PDE1A: variants seen among roughly 807,000 people sequenced by gnomAD.
PDE1A encodes the protein phosphodiesterase 1A.
A neutral mutation model predicts 61.7 loss-of-function variants in PDE1A; 35 were observed. The observed-to-expected ratio is 0.57, with a 90% CI of 0.43 to 0.75. The LOEUF is 0.75. Ranked by LOEUF, PDE1A falls within the 30% of genes least tolerant of loss-of-function variation. The pLI is 0.00. For synonymous variants in PDE1A, 232 were observed against 213.2 expected (o/e 1.09, Z -0.77); for missense variants, 597 against 630.6 (o/e 0.95, Z 0.57).
At chr2:182,277,143 GC>G (rs1438844654) in intron 1 of PDE1A, among the ~76,000 whole-genome samples, 1 of 151,588 alleles carries the variant, frequency 6.6e-6, no homozygotes, top group Non-Finnish European at 1.5e-5. Flanking sequence ...CTCCTTTTTT[GC>G]CCTTTGAAGC....
At chr2:182,163,607 C>T (rs944389689), downstream of PDE1A, among the ~76,000 whole-genome samples, 4 of 152,166 alleles carry the variant, frequency 2.6e-5, no homozygotes, top group African/African-American at 7.2e-5. Flanking sequence ...GGTGCAGGGC[C>T]TGTGGAGATA....
intron 1 of PDE1A, among the ~76,000 whole-genome samples, chr2:182,312,355 T>C (rs1696037656): frequency 6.6e-6 from 1 of 152,156 alleles, no homozygotes; most frequent in Non-Finnish European, 1.5e-5. Context: ...TTTTGTGTTA[T>C]ATCTAAACAA....
chr2:182,310,439 G>T (rs943093472), intron 1 of PDE1A, among the ~76,000 whole-genome samples: 1 of 152,122 alleles, frequency 6.6e-6, no homozygotes, highest in Non-Finnish European at 1.5e-5. Flanking sequence ...GAAATGCTTT[G>T]CAATTGTAGC....
At chr2:182,253,838 C>A (rs901832385) in intron 2 of PDE1A, among the ~76,000 whole-genome samples, 2 of 152,104 alleles carry the variant, frequency 1.3e-5, no homozygotes, top group African/African-American at 4.8e-5. Flanking sequence ...TAATCCTAAG[C>A]AAGTCAATTA....
chr2:182,685,728 G>C, the PDE1A span, among the ~76,000 whole-genome samples: 1 of 152,124 alleles, frequency 6.6e-6, no homozygotes, highest in Non-Finnish European at 1.5e-5. Flanking sequence ...GACATTCAAG[G>C]CTCACCCTAA....
chr2:182,632,468 TTCTTTGTAAGTATG>T, the PDE1A span, among the ~76,000 whole-genome samples: 15 of 152,142 alleles, frequency 9.9e-5, no homozygotes, highest in African/African-American at 3.6e-4. Context: ...CATTTTTTTT[TTCTTTGTAAGTATG>T]TCTCCTACTC....
intron 6 of PDE1A, among the ~76,000 whole-genome samples, chr2:182,228,475 C>A (rs1314953800): frequency 6.6e-6 from 1 of 152,020 alleles, no homozygotes; most frequent in Admixed American, 6.6e-5. Context: ...TTCTTTATAT[C>A]AAATCTGAGG....
intron 2 of PDE1A, among the ~76,000 whole-genome samples, chr2:182,486,268 C>T (rs1318608705): frequency 4.6e-5 from 7 of 151,816 alleles, no homozygotes; most frequent in Non-Finnish European, 1.0e-4. Flanking sequence ...AATTTGTACA[C>T]TGACAATAAT....
chr2:182,238,266 C>CAGAAAAAAAAAA (rs1690209483), intron 3 of PDE1A, among the ~76,000 whole-genome samples: 1 of 98,104 alleles, frequency 1.0e-5, no homozygotes, highest in Non-Finnish European at 1.9e-5. Flanking sequence ...CAGACTACGT[C>CAGAAAAAAAAAA]AAAAAAAAAA....
intron 1 of PDE1A, among the ~76,000 whole-genome samples, chr2:182,316,240 G>A (rs949807750): frequency 1.3e-5 from 2 of 152,136 alleles, no homozygotes; most frequent in Non-Finnish European, 2.9e-5. Context: ...AATTTATGTG[G>A]TCAAACTTTG....
intron 2 of PDE1A, among the ~76,000 whole-genome samples, chr2:182,254,812 C>A (rs963626531): frequency 6.6e-6 from 1 of 152,144 alleles, no homozygotes; most frequent in Non-Finnish European, 1.5e-5. Flanking sequence ...ACTGCAGAGA[C>A]AACACAGTTG....
intron 2 of PDE1A, among the ~76,000 whole-genome samples, chr2:182,521,553 TA>T (rs763332930): frequency 8.6e-5 from 13 of 151,694 alleles, no homozygotes; most frequent in Non-Finnish European, 1.9e-4. Context: ...CACACACAGC[TA>T]AAAAAAATGT....
intron 1 of PDE1A, among the ~76,000 whole-genome samples, chr2:182,346,462 T>G (rs1019506332): frequency 1.3e-5 from 2 of 152,164 alleles, no homozygotes; most frequent in African/African-American, 4.8e-5. Context: ...AAGACAATAT[T>G]TACTGAGTAC....
chr2:182,475,951 T>C (rs1687331993), intron 2 of PDE1A, among the ~76,000 whole-genome samples: 3 of 152,002 alleles, frequency 2.0e-5, no homozygotes, highest in South Asian at 4.1e-4. Flanking sequence ...AGGATGTTGA[T>C]AAAAAATTAA....
chr2:182,436,736 G>A (rs1464037015), intron 2 of PDE1A, among the ~76,000 whole-genome samples: 1 of 151,784 alleles, frequency 6.6e-6, no homozygotes, highest in East Asian at 1.9e-4. Flanking sequence ...AGGTAGAATC[G>A]CATATCTTCA....
chr2:182,420,745 T>TA (rs1380647064), intron 1 of PDE1A, among the ~76,000 whole-genome samples: 13 of 152,182 alleles, frequency 8.5e-5, no homozygotes, highest in Admixed American at 3.3e-4. Flanking sequence ...TAACAAAACG[T>TA]AAGACTTCAG....
intron 2 of PDE1A, among the ~76,000 whole-genome samples, chr2:182,459,577 A>G (rs1686142133): frequency 6.6e-6 from 1 of 152,134 alleles, no homozygotes; most frequent in Non-Finnish European, 1.5e-5. Flanking sequence ...CTAACTACTC[A>G]ATGCCTTCCC....
Position 182,513,808 on chromosome 2 carries a change from CA to C in PDE1A, c.101+8467del, listed in dbSNP as rs370742083. Among the ~76,000 whole-genome samples, 663 of 152,226 alleles carry C rather than the reference CA, an allele frequency of 4.4e-3. 2 individuals are homozygous for C. The highest frequency in any genetic ancestry group is 0.015 in the African/African-American group (621 of 41,538). On this transcript the variant is annotated intron_variant, in intron 2 of 14. Coordinates refer to the PDE1A transcript ENST00000410103. The stretch of plus-strand genomic sequence containing the variant: ...GCAGAGACTGCTATTCTAATTCAGA[CA>C]AAACAGAAATTAAGCCAACAATGAT...
the PDE1A span, among the ~76,000 whole-genome samples, chr2:182,698,273 A>T: frequency 1.9e-3 from 290 of 149,876 alleles, 1 homozygote; most frequent in African/African-American, 7.0e-3. Context: ...ATCATCTACT[A>T]AAAAAAATCC....
Sources: gnomAD v4.1 joint callset for allele counts (sites outside exome capture counted in the v4.1 genomes callset) on GRCh38, gnomAD v4.1.1 for gene constraint, MANE v1.5 for transcripts, NCBI Gene and HGNC (gene_info 2026-07-23, HGNC 2026-07-21) for gene names.